Variants in GHRHR observed in about 807,000 individuals in gnomAD.
GHRHR encodes the protein growth hormone-releasing hormone receptor.
In GHRHR, 40 loss-of-function variants were observed where a neutral mutation model predicts 58.3. The observed-to-expected ratio is 0.69, with a 90% CI of 0.53 to 0.89. GHRHR has a LOEUF of 0.89. Ranked by LOEUF, GHRHR falls within the 40% of genes least tolerant of loss-of-function variation. The pLI is 0.00. For synonymous variants in GHRHR, 249 were observed against 216.6 expected (o/e 1.15, Z -1.31); for missense variants, 551 against 541.3 (o/e 1.02, Z -0.18).
At chr7:30,969,304 C>G in intron 3 of GHRHR, 134 bp downstream of exon 3, 1 of 703,806 alleles carries the variant, frequency 1.4e-6, no homozygotes, top group Non-Finnish European at 2.6e-6. Context: ...GACCTCGGGC[C>G]AGTCAGTCTA....
At chr7:30,979,020 T>C (rs1792637699) in intron 12 of GHRHR, 99 bp from the exon 13 acceptor site, 3 of 1,158,480 alleles carry the variant, frequency 2.6e-6, no homozygotes, top group African/African-American at 1.5e-5. Context: ...CATGTCTCTG[T>C]TTCTCTTACA....
Position 30,969,120 on chromosome 7 carries a change from G to T in GHRHR, c.218G>T (p.Trp73Leu). 2 of 1,578,854 alleles carry T rather than the reference G, an allele frequency of 1.3e-6. No individual in the cohort carries two copies. The highest frequency in any genetic ancestry group is 1.3e-5 in the African/African-American group (1 of 74,636). The change falls in exon 3 of 13, where the codon TGG becomes TTG. Residue 73 changes from tryptophan (W) to leucine (L), a missense_variant. Transcript: ENST00000326139. Reference protein sequence around the residue: ...LCWPTAGSGEWVTLPCPDFFS... With the variant: ...LCWPTAGSGELVTLPCPDFFS... ...TGGCCAACGGCAGGCTCTGGCGAGT[G>T]GGTCACCCTCCCCTGCCCGGATTTC...
At chr7:30,968,737 T>C (rs367574724) in intron 1 of GHRHR, 97 bp from the exon 2 acceptor site, 9 of 785,674 alleles carry the variant, frequency 1.1e-5, no homozygotes, top group South Asian at 2.8e-5. Flanking sequence ...GGCACAGATA[T>C]GAATCAGGCC....
chr7:30,972,330 G>A (rs570167354), intron 6 of GHRHR, among the ~76,000 whole-genome samples: 6 of 152,246 alleles, frequency 3.9e-5, no homozygotes, highest in Admixed American at 1.3e-4. Context: ...TCTACTCCGC[G>A]TTCTGTAGTC....
chr7:30,973,925 G>A, intron 6 of GHRHR, 60 bp from the exon 7 acceptor site: 3 of 1,542,466 alleles, frequency 1.9e-6, no homozygotes, highest in Non-Finnish European at 2.7e-6. Flanking sequence ...GGGTAGAGGA[G>A]ACTGGGATGG....
At chr7:30,974,888 G>T (rs1448801846) in intron 8 of GHRHR, 83 bp from the exon 9 acceptor site, 1 of 889,836 alleles carries the variant, frequency 1.1e-6, no homozygotes, top group Non-Finnish European at 1.9e-6. Flanking sequence ...AGACCAGAAG[G>T]CATGAATGCC....
chr7:30,963,978 C>T lies in GHRHR; in HGVS notation c.-91C>T, dbSNP rs1584408228. Reference sequence around the variant, plus strand: ...ACCTGAGAAGGGGAAGCAGAGGGTGCGGTGGAAACGGCTGTGTCAGGGGAC... The same window carrying T: ...ACCTGAGAAGGGGAAGCAGAGGGTGTGGTGGAAACGGCTGTGTCAGGGGAC... On this transcript the variant is annotated 5_prime_UTR_variant, in exon 1 of 13. Transcript: ENST00000326139. The T allele has an allele frequency of 5.1e-6, 6 of 1,177,526 alleles. No individual in the cohort carries two copies. The highest frequency in any genetic ancestry group is 2.6e-5 in the South Asian group (2 of 76,874). 72.9% of individuals were successfully genotyped at this position (1,177,526 alleles called of 1,614,324 possible).
intron 12 of GHRHR, among the ~76,000 whole-genome samples, chr7:30,977,968 A>G (rs1176914967): frequency 6.6e-6 from 1 of 152,218 alleles, no homozygotes; most frequent in African/African-American, 2.4e-5. Context: ...TTTCCCCCTT[A>G]GGACAGTCCT....
chr7:30,964,693 C>G (rs1461370406), intron 1 of GHRHR, among the ~76,000 whole-genome samples: 1 of 152,146 alleles, frequency 6.6e-6, no homozygotes, highest in Non-Finnish European at 1.5e-5. Context: ...TGCTCCAGCA[C>G]TTAGGGGATC....
intron 3 of GHRHR, 174 bp from the exon 4 acceptor site, chr7:30,969,693 G>A: frequency 1.4e-6 from 1 of 707,066 alleles, no homozygotes; most frequent in Non-Finnish European, 2.6e-6. Context: ...GCCCCATAGT[G>A]TGTCCCTGGG....
chr7:30,974,696 G>A (rs184044292), intron 8 of GHRHR, among the ~76,000 whole-genome samples: 1 of 152,262 alleles, frequency 6.6e-6, no homozygotes, highest in Non-Finnish European at 1.5e-5. Flanking sequence ...AGGGCTGTGG[G>A]GCTGGGGGAA....
intron 11 of GHRHR, 105 bp downstream of exon 11, chr7:30,976,663 TTTCA>T (rs1792591214): frequency 1.1e-6 from 1 of 938,228 alleles, no homozygotes; most frequent in African/African-American, 1.6e-5. Context: ...GGGCTATGTT[TTTCA>T]TCCATCTATT....
At position 30,976,512 on chromosome 7, in the gene GHRHR, G is replaced by A. The variant is rs770409961; in HGVS notation, c.1058G>A (p.Gly353Asp). The change falls in exon 11 of 13, where the codon GGC becomes GAC. Residue 353 changes from glycine (G) to aspartate (D), a missense_variant. Gly to Asp is a moderately conservative substitution (Grantham distance 94). Coordinates refer to ENST00000326139, the MANE Select transcript of GHRHR (RefSeq NM_000823.4). ...TTCAACTTCCTGCCAGACAATGCTGGCCTGGGCATCCGCCTCCCCCTGGAG... is the reference window on the plus strand; with the variant it reads ...TTCAACTTCCTGCCAGACAATGCTGACCTGGGCATCCGCCTCCCCCTGGAG... ...IIFNFLPDNA[G>D]LGIRLPLELG... 26 of 1,613,510 alleles carry A rather than the reference G, an allele frequency of 1.6e-5. No individual in the cohort carries two copies. In the South Asian group the frequency reaches 2.9e-4, roughly 18 times the overall value.
Position 30,976,416 on chromosome 7 carries a change from G to T in GHRHR, c.975-13G>T. On this transcript the variant is annotated splice_polypyrimidine_tract_variant and intron_variant, in intron 10 of 12. Transcript: ENST00000326139. ...TCCCAGTCTTGGGAGCCTAGGATTTGTCTTTCCTGCAGGCGTCTCTCCAAG... is the reference window on the plus strand; with the variant it reads ...TCCCAGTCTTGGGAGCCTAGGATTTTTCTTTCCTGCAGGCGTCTCTCCAAG... The T allele has an allele frequency of 6.2e-7, 1 of 1,612,580 alleles. No individual in the cohort carries two copies. The highest frequency in any genetic ancestry group is 8.5e-7 in the Non-Finnish European group (1 of 1,179,016).
chr7:30,977,267 C>G lies in GHRHR; in HGVS notation c.1105-14C>G, dbSNP rs13223704. ...AAAGGGTTCTGATGGGGTCTTTCTT[C>G]TTTGGACCCACAGGGCTTCATTGTT... is the stretch of plus-strand genomic sequence containing the variant. On this transcript the variant is annotated splice_polypyrimidine_tract_variant and intron_variant, in intron 11 of 12. Transcript: ENST00000326139. 2,791 of 1,613,662 alleles carry G rather than the reference C, an allele frequency of 1.7e-3. 4 individuals carry two copies. Among genetic ancestry groups the G allele is most frequent in the Non-Finnish European group, 2.2e-3 (2,605 of 1,179,520 alleles).
At chr7:30,977,130 AAGTAATG>A in intron 11 of GHRHR, 144 bp from the exon 12 acceptor site, 1 of 759,406 alleles carries the variant, frequency 1.3e-6, no homozygotes, top group South Asian at 1.4e-5. Context: ...GGCACATAGT[AAGTAATG>A]AATGCATTTA....
chr7:30,970,010 T>C (rs559089324), intron 4 of GHRHR, 46 bp downstream of exon 4: 4 of 836,170 alleles, frequency 4.8e-6, no homozygotes, highest in South Asian at 4.0e-5. Context: ...CATGGACATT[T>C]GTATGGGTGG....
At chr7:30,966,983 G>C (rs1792370946) in intron 1 of GHRHR, among the ~76,000 whole-genome samples, 1 of 152,102 alleles carries the variant, frequency 6.6e-6, no homozygotes, top group African/African-American at 2.4e-5. Flanking sequence ...GGTCTATTAG[G>C]ATCCAGCCCT....
Position 30,969,886 on chromosome 7 carries a change from T to C in GHRHR, c.288T>C (p.Cys96=). The change falls in exon 4 of 13, where the codon TGT becomes TGC. Residue 96 remains cysteine, a synonymous_variant. Coordinates refer to ENST00000326139, the MANE Select transcript of GHRHR (RefSeq NM_000823.4). ...SSESGAVKRD[C]TITGWSEPFP... ...TCCCAGGGGCTGTGAAACGGGATTG[T>C]ACTATCACTGGCTGGTCTGAGCCCT... The C allele has an allele frequency of 6.2e-7, 1 of 1,612,212 alleles. No individual in the cohort carries two copies. The highest frequency in any genetic ancestry group is 1.1e-5 in the South Asian group (1 of 91,046).
Sources: gnomAD v4.1 joint callset for allele counts (sites outside exome capture counted in the v4.1 genomes callset) on GRCh38, gnomAD v4.1.1 for gene constraint, MANE v1.5 for transcripts, NCBI Gene and HGNC (gene_info 2026-07-23, HGNC 2026-07-21) for gene names.